The following CLCN1 variants were observed in gnomAD, a reference collection of about 807,000 sequenced individuals.
The protein encoded by CLCN1 is chloride channel protein 1.
In CLCN1, 100 loss-of-function variants were observed where a neutral mutation model predicts 114.5. The observed-to-expected ratio is 0.87, with a 90% CI of 0.74 to 1.03. The LOEUF (loss-of-function observed/expected upper bound fraction) is 1.03. CLCN1 is among the 50% of genes least tolerant of loss of function. The pLI is 0.00. For missense variants in CLCN1, 1,188 were observed against 1,250.0 expected (o/e 0.95, Z 0.75); for synonymous variants, 485 against 487.1 (o/e 1.00, Z 0.06).
At chr7:143,347,478 G>A (rs1300992582) in intron 20 of CLCN1, among the ~76,000 whole-genome samples, 2 of 151,988 alleles carry the variant, frequency 1.3e-5, no homozygotes, top group East Asian at 1.9e-4. Context: ...AAAATAAGCC[G>A]GGCATGGTGG....
At chr7:143,334,632 T>C (rs1300661003) in intron 12 of CLCN1, among the ~76,000 whole-genome samples, 1 of 152,216 alleles carries the variant, frequency 6.6e-6, no homozygotes, top group Non-Finnish European at 1.5e-5. Flanking sequence ...ATTTAATTTT[T>C]TAGTGATGTT....
At chr7:143,335,656 G>GTTTTTTTTTTTTTTTTTTTTTTT (rs199928109) in intron 12 of CLCN1, among the ~76,000 whole-genome samples, 1 of 107,236 alleles carries the variant, frequency 9.3e-6, no homozygotes. Context: ...CAATTCAGCT[G>GTTTTTTTTTTTTTTTTTTTTTTT]TTTTGTTTTT....
Position 143,350,367 on chromosome 7 carries a change from G to A in CLCN1, c.2404-5G>A, listed in dbSNP as rs1253768913. The A allele has an allele frequency of 6.2e-7, 1 of 1,612,904 alleles. No homozygotes were observed. Reference sequence around the variant, plus strand: ...TTTTCGTGACTTTCCTCCTCTGGCTGACAGATTGAGGCCTGGGAGCAGGAG... The same window carrying A: ...TTTTCGTGACTTTCCTCCTCTGGCTAACAGATTGAGGCCTGGGAGCAGGAG... On this transcript the variant is annotated splice_polypyrimidine_tract_variant and splice_region_variant and intron_variant, in intron 20 of 22. Coordinates refer to ENST00000343257, the MANE Select transcript of CLCN1 (RefSeq NM_000083.3). This position sits in a 1 kb window ranked among gnomAD's most constrained non-coding sequence, Gnocchi z 5.1.
intron 2 of CLCN1, among the ~76,000 whole-genome samples, chr7:143,320,296 G>T (rs1284632517): frequency 6.6e-6 from 1 of 152,176 alleles, no homozygotes; most frequent in Non-Finnish European, 1.5e-5. Flanking sequence ...TAAGGAAAAG[G>T]CACCTCTCTT....
chr7:143,324,389 T>C lies in CLCN1; in HGVS notation c.775-25T>C, dbSNP rs1802525263. 6.3e-6 allele frequency: 10 copies of C among 1,585,748 alleles called. No individual in the cohort carries two copies. Among genetic ancestry groups the C allele is most frequent in the Non-Finnish European group, 8.7e-6 (10 of 1,154,676 alleles). ...CCCACCTCCCTCTCTTCCACCTGTT[T>C]CTCTGTCTGTCTCTCCCCTAGTAGC... On this transcript the variant is annotated intron_variant, in intron 6 of 22. Transcript: ENST00000343257. This position sits in a 1 kb window ranked among gnomAD's most constrained non-coding sequence, Gnocchi z 4.6.
In CLCN1 at chr7:143,321,499, A is replaced by T; in HGVS notation, c.562+6A>T. Reference sequence around the variant, plus strand: ...CATCTCTCCCCAGGCTGTTGGTGAGAACTTGCCACCAGACTCGGCCTGAGC... The same window carrying T: ...CATCTCTCCCCAGGCTGTTGGTGAGTACTTGCCACCAGACTCGGCCTGAGC... On this transcript the variant is annotated splice_donor_region_variant and intron_variant, in intron 4 of 22. Coordinates refer to ENST00000343257, the MANE Select transcript of CLCN1 (RefSeq NM_000083.3). The surrounding 1 kb of genome is among the most constrained non-coding windows in gnomAD (Gnocchi z 4.2). The T allele has an allele frequency of 6.2e-7, 1 of 1,613,826 alleles. No individual in the cohort carries two copies. Among genetic ancestry groups the T allele is most frequent in the East Asian group, 2.2e-5 (1 of 44,858 alleles).
rs759576185 is a variant in CLCN1, at chr7:143,351,936, G to A, written c.2938G>A (p.Glu980Lys). The change falls in exon 23 of 23, where the codon GAG becomes AAG. Residue 980 changes from glutamate to lysine, a missense_variant. Physicochemically the swap from Glu to Lys is moderately conservative, Grantham distance 56 (BLOSUM62 1). Coordinates refer to ENST00000343257, the MANE Select transcript of CLCN1 (RefSeq NM_000083.3). ...GGGCCCCAGCCTGCGATCCACAGAC[G>A]AGGAGGATGAGGATGAACTGATCCT... ...LQGPSLRSTD[E>K]EDEDELIL The A allele has an allele frequency of 1.2e-5, 20 of 1,613,096 alleles. No homozygotes were observed. The East Asian group carries it at 1.3e-4, about 11-fold the overall frequency.
At position 143,350,506 on chromosome 7, in the gene CLCN1, T is replaced by C; in HGVS notation, c.2508+30T>C. ...GTCTTTTGCTGACTGCTCAGGGCTGTGGGGAAGGCAGGAGAGCTGTGGGGC... is the reference window on the plus strand; with the variant it reads ...GTCTTTTGCTGACTGCTCAGGGCTGCGGGGAAGGCAGGAGAGCTGTGGGGC... On this transcript the variant is annotated intron_variant, in intron 21 of 22. Coordinates refer to ENST00000343257, the MANE Select transcript of CLCN1 (RefSeq NM_000083.3). The surrounding 1 kb of genome is among the most constrained non-coding windows in gnomAD (Gnocchi z 5.1). The C allele has an allele frequency of 3.1e-6, 5 of 1,610,364 alleles. No homozygotes were observed. The highest frequency in any genetic ancestry group is 4.2e-6 in the Non-Finnish European group (5 of 1,176,700).
rs372820685 is a variant in CLCN1 at position 143,324,386 on chromosome 7, G to C, written c.775-28G>C. On this transcript the variant is annotated intron_variant, in intron 6 of 22. Coordinates refer to ENST00000343257, the MANE Select transcript of CLCN1 (RefSeq NM_000083.3). This position sits in a 1 kb window ranked among gnomAD's most constrained non-coding sequence, Gnocchi z 4.6. ...CTGCCCACCTCCCTCTCTTCCACCT[G>C]TTTCTCTGTCTGTCTCTCCCCTAGT... 3.2e-6 allele frequency: 5 copies of C among 1,576,378 alleles called. No homozygotes were observed. The highest frequency in any genetic ancestry group is 4.4e-6 in the Non-Finnish European group (5 of 1,146,338).
At chr7:143,323,574 C>T (rs1156596069) in intron 6 of CLCN1, 188 bp downstream of exon 6, 5 of 701,132 alleles carry the variant, frequency 7.1e-6, no homozygotes, top group Non-Finnish European at 1.3e-5. Context: ...TCTGTTTAGC[C>T]TGTGCCTGTC....
intron 16 of CLCN1, among the ~76,000 whole-genome samples, chr7:143,344,508 T>G (rs1382161854): frequency 6.6e-6 from 1 of 152,170 alleles, no homozygotes; most frequent in Admixed American, 6.5e-5. Flanking sequence ...TTTTCCCAAA[T>G]CTCATATACA....
At position 143,341,760 on chromosome 7, in the gene CLCN1, T is replaced by G. The variant is rs140839699; in HGVS notation, c.1583-169T>G. Among the ~76,000 whole-genome samples, 1,222 of 152,210 alleles carry G rather than the reference T, an allele frequency of 8.0e-3. 25 individuals carry two copies. The highest frequency in any genetic ancestry group is 0.028 in the African/African-American group (1,165 of 41,540). On this transcript the variant is annotated intron_variant, in intron 14 of 22. Coordinates refer to ENST00000343257, the MANE Select transcript of CLCN1 (RefSeq NM_000083.3). ...TATAGAATGAGATCAAAATGATGAT[T>G]TTTCTAAGAGTTCAGTATTCTATTC...
Position 143,337,807 on chromosome 7 carries a change from C to CTTTTTTTTTTTTT in CLCN1, c.1402-1421_1402-1409dup, listed in dbSNP as rs869078445. Among the ~76,000 whole-genome samples, 13 of 46,078 alleles carry CTTTTTTTTTTTTT rather than the reference C, an allele frequency of 2.8e-4. 3 individuals are homozygous for CTTTTTTTTTTTTT. Among genetic ancestry groups the CTTTTTTTTTTTTT allele is most frequent in the African/African-American group, 5.5e-4 (7 of 12,744 alleles). 30.2% of individuals were successfully genotyped at this position (46,078 alleles called of 152,430 possible). ...CTTTTTTCCATTCTATTTCTCAATT[C>CTTTTTTTTTTTTT]TTTTTTTTTTTTTTTTTTTTTTTTT... is the stretch of plus-strand genomic sequence containing the variant. On this transcript the variant is annotated intron_variant, in intron 12 of 22. Coordinates refer to ENST00000343257, the MANE Select transcript of CLCN1 (RefSeq NM_000083.3).
chr7:143,316,621 C>G (rs1013324298), intron 1 of CLCN1, among the ~76,000 whole-genome samples: 2 of 152,220 alleles, frequency 1.3e-5, no homozygotes, highest in African/African-American at 2.4e-5. Flanking sequence ...CCTTTACCAA[C>G]AGAGTACCCA....
chr7:143,345,967 A>G (rs527673825), intron 17 of CLCN1, among the ~76,000 whole-genome samples, 173 bp from the exon 18 acceptor site: 2 of 152,272 alleles, frequency 1.3e-5, no homozygotes, highest in East Asian at 3.9e-4. Context: ...CAGGGACTAA[A>G]GAAGATAAGG....
At chr7:143,345,912 C>A in intron 17 of CLCN1, 150 bp downstream of exon 17, 1 of 1,194,896 alleles carries the variant, frequency 8.4e-7, no homozygotes, top group Non-Finnish European at 1.2e-6. Flanking sequence ...CTGAGAAAGC[C>A]AGAAATTCTG....
intron 5 of CLCN1, among the ~76,000 whole-genome samples, chr7:143,322,881 C>T (rs1299643792): frequency 1.3e-5 from 2 of 152,250 alleles, no homozygotes; most frequent in African/African-American, 4.8e-5. Context: ...TCTCTGCAGG[C>T]CTGTGCCCCT....
At position 143,350,712 on chromosome 7, in the gene CLCN1, G is replaced by C. The variant is rs114841412; in HGVS notation, c.2595+58G>C. 8.2e-4 allele frequency: 996 copies of C among 1,210,362 alleles called. 9 individuals carry two copies. In the African/African-American group the frequency reaches 0.014, roughly 17 times the overall value. The allele number at this position is 1,210,362 out of a possible 1,614,324, so 75.0% of individuals were successfully genotyped here. ...AGGGAGGCTGGGCATAGGATAAGGGGATGCAGTGGGGACAGAAGGAATATT... is the reference window on the plus strand; with the variant it reads ...AGGGAGGCTGGGCATAGGATAAGGGCATGCAGTGGGGACAGAAGGAATATT... On this transcript the variant is annotated intron_variant, in intron 22 of 22. Transcript: ENST00000343257. The surrounding 1 kb of genome is among the most constrained non-coding windows in gnomAD (Gnocchi z 5.1).
chr7:143,342,627 G>T, intron 16 of CLCN1, 122 bp downstream of exon 16: 1 of 995,448 alleles, frequency 1.0e-6, no homozygotes. Flanking sequence ...CTATGTACAA[G>T]GAAGGAAAAA....
Sources: allele counts gnomAD v4.1 joint callset (sites outside exome capture counted in the v4.1 genomes callset), GRCh38; gene constraint gnomAD v4.1.1; non-coding constraint Gnocchi (gnomAD v3.1); transcripts MANE v1.5; gene names NCBI Gene and HGNC (gene_info 2026-07-23, HGNC 2026-07-21).